IPP: variants seen among roughly 807,000 people sequenced by gnomAD.
IPP encodes the protein actin-binding protein IPP.
A neutral mutation model predicts 64.1 loss-of-function variants in IPP; 41 were observed. The observed-to-expected ratio is 0.64, with a 90% confidence interval of 0.50 to 0.83. IPP has a LOEUF of 0.83. IPP is among the 40% of genes least tolerant of loss of function. The pLI is 0.00. For synonymous variants in IPP, 214 were observed against 235.2 expected (o/e 0.91, Z 0.83); for missense variants, 649 against 703.0 (o/e 0.92, Z 0.87).
chr1:45,719,292 A>T lies in IPP; in HGVS notation c.1097T>A (p.Val366Asp). ...IFDCTECYDP[V>D]TKQWTTVASM... is the part of the protein sequence containing the mutation. ...AGCTACAGTTGTCCACTGTTTAGTA[A>T]CTGGATCATAGCATTCAGTACAATC... The change falls in exon 6 of 9, where the codon GTT (valine) becomes GAT (aspartate). Residue 366 changes from valine (V) to aspartate (D), a missense_variant. Physicochemically the swap from Val to Asp is radical, Grantham distance 152 (BLOSUM62 -3). Transcript: ENST00000396478. 6.2e-7 allele frequency: 1 copy of T among 1,612,024 alleles called. No homozygotes were observed. Among genetic ancestry groups the T allele is most frequent in the South Asian group, 1.1e-5 (1 of 90,860 alleles).
intron 7 of IPP, among the ~76,000 whole-genome samples, chr1:45,716,148 C>G (rs187866622): frequency 1.1e-3 from 162 of 152,214 alleles, no homozygotes; most frequent in African/African-American, 3.7e-3. Flanking sequence ...AACATAGAAT[C>G]CTTTAAATCT....
rs961377210 is a variant in IPP at position 45,727,557 on chromosome 1, A to T, written c.1048+74T>A. 3 of 929,050 alleles carry T rather than the reference A, an allele frequency of 3.2e-6. No individual in the cohort carries two copies. In the African/African-American group the frequency reaches 5.0e-5, roughly 15 times the overall value. 57.6% of individuals were successfully genotyped at this position (929,050 alleles called of 1,614,324 possible). A position where few individuals can be genotyped will look rare whatever the true frequency, so the allele number is the denominator to read the frequency against. The stretch of plus-strand genomic sequence containing the variant: ...TTAGATATATGTATATCACATAGCA[A>T]CATATAAATCATAAAGCATATTAGA... On this transcript the variant is annotated intron_variant, in intron 5 of 8. Coordinates refer to ENST00000396478, the MANE Select transcript of IPP (RefSeq NM_005897.3).
chr1:45,743,787 G>GATCA (rs934609397), intron 2 of IPP, among the ~76,000 whole-genome samples: 3 of 151,918 alleles, frequency 2.0e-5, no homozygotes, highest in Admixed American at 6.6e-5. Context: ...GAGGTGAGTG[G>GATCA]ATCACTTGAG....
intron 2 of IPP, 69 bp downstream of exon 2, chr1:45,746,051 A>G (rs926264134): frequency 7.6e-7 from 1 of 1,320,298 alleles, no homozygotes; most frequent in Admixed American, 2.0e-5. Flanking sequence ...AGATCAATTT[A>G]TATTTCCACA....
chr1:45,697,054 A>G (rs1293820024), downstream of IPP: 1 of 152,238 alleles, frequency 6.6e-6, no homozygotes, highest in Non-Finnish European at 1.5e-5. Context: ...CACATGAGTT[A>G]TAGCTTAGTC....
At chr1:45,743,430 A>G (rs1646093416) in intron 2 of IPP, among the ~76,000 whole-genome samples, 1 of 150,438 alleles carries the variant, frequency 6.6e-6, no homozygotes, top group African/African-American at 2.4e-5. Flanking sequence ...AAAAAAAATT[A>G]GCCAGGTGTG....
At chr1:45,700,284 A>C in intron 8 of IPP, 94 bp from the exon 9 acceptor site, 1 of 1,456,706 alleles carries the variant, frequency 6.9e-7, no homozygotes, top group Non-Finnish European at 9.1e-7. Context: ...TTCTTTTTAC[A>C]TGTTTAAATG....
At chr1:45,716,778 A>G (rs1645664418) in intron 7 of IPP, 117 bp downstream of exon 7, 1 of 753,028 alleles carries the variant, frequency 1.3e-6, no homozygotes, top group Non-Finnish European at 2.2e-6. Context: ...CTATGCTGCT[A>G]GTATCAGTCA....
chr1:45,746,183 C>A lies in IPP; in HGVS notation c.229G>T (p.Val77Phe). The change falls in exon 2 of 9, where the codon GTT (valine) becomes TTT (phenylalanine). Residue 77 changes from valine (V) to phenylalanine (F), a missense_variant. By Grantham distance (50) the Val-to-Phe change is conservative. Transcript: ENST00000396478. ...GCTTCAATTCCTAGAATCGGTACAA[C>A]ATCTTTTGAGGACTCTTTCATTCCT... ...TGGMKESSKD[V>F]VPILGIEAGI... 1 of 1,614,132 alleles carries A rather than the reference C, an allele frequency of 6.2e-7. No homozygotes were observed. Among genetic ancestry groups the A allele is most frequent in the Non-Finnish European group, 8.5e-7 (1 of 1,179,976 alleles).
At chr1:45,725,475 GCC>G (rs1253391590) in intron 5 of IPP, among the ~76,000 whole-genome samples, 1 of 140,150 alleles carries the variant, frequency 7.1e-6, no homozygotes, top group Non-Finnish European at 1.6e-5. Context: ...GGGGGTGTCA[GCC>G]CCCCGCCCGG....
At chr1:45,748,712 C>G (rs1309611069) in intron 1 of IPP, among the ~76,000 whole-genome samples, 1 of 151,984 alleles carries the variant, frequency 6.6e-6, no homozygotes, top group Non-Finnish European at 1.5e-5. Flanking sequence ...TGACTCACGC[C>G]TTTAATCCCA....
chr1:45,696,425 C>T (rs1315780183), downstream of IPP, among the ~76,000 whole-genome samples: 5 of 152,138 alleles, frequency 3.3e-5, no homozygotes, highest in African/African-American at 1.2e-4. Context: ...CCCAGAATGC[C>T]ACTGATAAAG....
At chr1:45,740,860 G>A in intron 3 of IPP, 41 bp downstream of exon 3, 1 of 1,279,098 alleles carries the variant, frequency 7.8e-7, no homozygotes, top group Non-Finnish European at 1.1e-6. Context: ...CACATCACTG[G>A]ATAATTAATC....
chr1:45,748,665 G>T (rs1019889900), intron 1 of IPP, among the ~76,000 whole-genome samples: 2 of 151,928 alleles, frequency 1.3e-5, no homozygotes, highest in Non-Finnish European at 2.9e-5. Context: ...GAGCAAGACC[G>T]TGTCTCAACA....
chr1:45,704,466 G>C (rs1357250542), intron 8 of IPP, among the ~76,000 whole-genome samples: 1 of 152,106 alleles, frequency 6.6e-6, no homozygotes, highest in African/African-American at 2.4e-5. Context: ...TTGAACTCCT[G>C]ACCTAGCAAT....
intron 3 of IPP, among the ~76,000 whole-genome samples, chr1:45,734,672 C>T (rs1645953249): frequency 1.3e-5 from 2 of 152,212 alleles, no homozygotes; most frequent in South Asian, 2.1e-4. Context: ...CAGGCTGGAG[C>T]GCAGTGGTGA....
chr1:45,742,496 A>G (rs1366465472), intron 2 of IPP, among the ~76,000 whole-genome samples: 1 of 152,228 alleles, frequency 6.6e-6, no homozygotes, highest in Non-Finnish European at 1.5e-5. Flanking sequence ...CAAGGTCTCT[A>G]TCTTCAATTA....
chr1:45,727,023 C>T (rs1387507493), intron 5 of IPP, among the ~76,000 whole-genome samples: 3 of 151,952 alleles, frequency 2.0e-5, no homozygotes, highest in Non-Finnish European at 4.4e-5. Flanking sequence ...AGCCACTACG[C>T]CAGGCAGGTG....
At chr1:45,697,620 A>G (rs1298582800), downstream of IPP, among the ~76,000 whole-genome samples, 1 of 152,192 alleles carries the variant, frequency 6.6e-6, no homozygotes, top group African/African-American at 2.4e-5. Flanking sequence ...CTATCTAAAT[A>G]AGTTGATGAT....
Sources: allele counts gnomAD v4.1 joint callset (sites outside exome capture counted in the v4.1 genomes callset), GRCh38; gene constraint gnomAD v4.1.1; transcripts MANE v1.5; gene names NCBI Gene and HGNC (gene_info 2026-07-23, HGNC 2026-07-21).